Variants in NSG1 observed in about 807,000 individuals in gnomAD.
The protein encoded by NSG1 is neuronal vesicle trafficking-associated protein 1.
Under a neutral mutation model 19.3 loss-of-function variants are expected in NSG1, and 9 were observed. The ratio of observed to expected loss-of-function variants is 0.47; its 90% CI spans 0.28 to 0.81. NSG1 has a LOEUF of 0.81. Among genes scored for constraint, NSG1 ranks in the 40% least tolerant of loss-of-function variants. The probability of loss-of-function intolerance (pLI) is 0.11; values close to 1 mark genes in which losing one functional copy is unlikely to be tolerated. For missense variants in NSG1, 236 were observed against 242.4 expected, an observed-to-expected ratio of 0.97 and a Z score of 0.18; for synonymous variants, 104 against 107.0, an observed-to-expected ratio of 0.97 and a Z score of 0.17.
Position 4,391,604 on chromosome 4 carries a change from G to A in NSG1, c.246+13G>A, listed in dbSNP as rs1262640410. The A allele has an allele frequency of 1.9e-6, 3 of 1,550,996 alleles. No homozygotes were observed. The highest frequency in any genetic ancestry group is 2.6e-6 in the Non-Finnish European group (3 of 1,134,274). On this transcript the variant is annotated intron_variant, in intron 3 of 4. Coordinates refer to ENST00000621129, the MANE Select transcript of NSG1 (RefSeq NM_014392.5). The stretch of plus-strand genomic sequence containing the variant: ...CGAGAGGTTTAAGGTGAGTGGTCCT[G>A]TGCTGGGTGAGATGCTGCTTTTGCC...
intron 3 of NSG1, among the ~76,000 whole-genome samples, chr4:4,399,221 C>T (rs1389181960): frequency 6.6e-6 from 1 of 152,172 alleles, no homozygotes. Flanking sequence ...CAGCTCACTG[C>T]AGCCTCGACC....
intron 3 of NSG1, among the ~76,000 whole-genome samples, chr4:4,405,871 C>T (rs929536428): frequency 2.0e-5 from 3 of 152,124 alleles, no homozygotes; most frequent in African/African-American, 4.8e-5. Context: ...GGCCAGGTTT[C>T]GGAGGACACC....
At chr4:4,387,906 T>C in intron 2 of NSG1, 148 bp downstream of exon 2, 1 of 677,220 alleles carries the variant, frequency 1.5e-6, no homozygotes, top group South Asian at 1.8e-5. Context: ...GAGGACAGTG[T>C]ACCCGCGCGG....
chr4:4,398,014 C>T (rs938016452), intron 3 of NSG1, among the ~76,000 whole-genome samples: 13 of 152,080 alleles, frequency 8.5e-5, no homozygotes, highest in Admixed American at 6.5e-5. Context: ...AGTGCAGTGG[C>T]ACGATCTCGG....
rs376114823 is a variant in NSG1 at position 4,418,686 on chromosome 4, T to C, written c.*1251T>C. On this transcript the variant is annotated 3_prime_UTR_variant, in exon 5 of 5. Transcript: ENST00000621129. The stretch of plus-strand genomic sequence containing the variant: ...TAGATCAGAAATAAACGACAAATAG[T>C]GTGAGATGTGTTGTGAACAGGCATG... 3 of 152,600 alleles carry C rather than the reference T, an allele frequency of 2.0e-5. No homozygotes were observed. Among genetic ancestry groups the C allele is most frequent in the East Asian group, 1.9e-4 (1 of 5,190 alleles). The allele number at this position is 152,600 out of a possible 1,614,324, so 9.5% of individuals were successfully genotyped here. A position where few individuals can be genotyped will look rare whatever the true frequency, so the allele number is the denominator to read the frequency against.
At chr4:4,405,772 C>T (rs1723819208) in intron 3 of NSG1, among the ~76,000 whole-genome samples, 1 of 152,200 alleles carries the variant, frequency 6.6e-6, no homozygotes. Flanking sequence ...GCCCTTCTCC[C>T]CTTGACTGTT....
chr4:4,393,907 G>A (rs1723118238), intron 3 of NSG1, among the ~76,000 whole-genome samples: 2 of 152,138 alleles, frequency 1.3e-5, no homozygotes, highest in Admixed American at 1.3e-4. Context: ...GAAGCCTCCT[G>A]GGTCACTCTC....
At chr4:4,391,193 G>A (rs1472841766) in intron 2 of NSG1, among the ~76,000 whole-genome samples, 1 of 152,168 alleles carries the variant, frequency 6.6e-6, no homozygotes, top group Non-Finnish European at 1.5e-5. Flanking sequence ...CTGCATCCCC[G>A]CCCTGCCGCC....
chr4:4,409,881 C>A (rs1724078597), intron 4 of NSG1, among the ~76,000 whole-genome samples, 198 bp downstream of exon 4: 1 of 152,186 alleles, frequency 6.6e-6, no homozygotes. Context: ...GCACATGAGA[C>A]CCACAGGAAG....
At chr4:4,405,274 T>C (rs1723789613) in intron 3 of NSG1, among the ~76,000 whole-genome samples, 1 of 152,136 alleles carries the variant, frequency 6.6e-6, no homozygotes, top group Admixed American at 6.5e-5. Flanking sequence ...TACATCCAAA[T>C]TTCCCCTCTT....
rs1560137037 is a variant in NSG1, at chr4:4,387,585, C to A, written c.-26-19C>A. 5 of 1,585,586 alleles carry A rather than the reference C, an allele frequency of 3.2e-6. No homozygotes were observed. Among genetic ancestry groups the A allele is most frequent in the East Asian group, 4.6e-5 (2 of 43,878 alleles). ...CCGGGTCTTGCTTGTGGTGACTCCC[C>A]CCGGCCCTCCCGCCGCAGGCTGCAG... On this transcript the variant is annotated intron_variant, in intron 1 of 4. Transcript: ENST00000621129.
chr4:4,401,335 G>A (rs918311745), intron 3 of NSG1, among the ~76,000 whole-genome samples: 3 of 152,266 alleles, frequency 2.0e-5, no homozygotes, highest in Admixed American at 6.5e-5. Flanking sequence ...TGAAACACCC[G>A]GGACCTGTCT....
intron 2 of NSG1, among the ~76,000 whole-genome samples, chr4:4,389,056 A>AC (rs1401249254): frequency 6.6e-6 from 1 of 151,836 alleles, no homozygotes; most frequent in Non-Finnish European, 1.5e-5. Context: ...AGGCCCCCAC[A>AC]CCCCCTCCTG....
intron 3 of NSG1, among the ~76,000 whole-genome samples, chr4:4,396,262 GGAGACTGT>G (rs1723244387): frequency 2.0e-5 from 3 of 152,088 alleles, no homozygotes; most frequent in Non-Finnish European, 2.9e-5. Flanking sequence ...CTTCCGGTCT[GGAGACTGT>G]CATTAGGGGC....
intron 4 of NSG1, among the ~76,000 whole-genome samples, chr4:4,414,372 T>C (rs1378128317): frequency 6.6e-6 from 1 of 151,772 alleles, no homozygotes; most frequent in Non-Finnish European, 1.5e-5. Context: ...CCCTGATAAG[T>C]TGTTCTGGAG....
chr4:4,404,621 T>G (rs1003687031), intron 3 of NSG1, among the ~76,000 whole-genome samples: 8 of 152,182 alleles, frequency 5.3e-5, no homozygotes. Context: ...CATGTTGTTG[T>G]AGAGGAAGCT....
At chr4:4,388,361 A>G (rs1283783427) in intron 2 of NSG1, among the ~76,000 whole-genome samples, 1 of 152,192 alleles carries the variant, frequency 6.6e-6, no homozygotes, top group Admixed American at 6.5e-5. Context: ...CTCGCTCAGT[A>G]TTGGTGTCAC....
At chr4:4,411,934 G>A (rs1277872203) in intron 4 of NSG1, among the ~76,000 whole-genome samples, 6 of 152,004 alleles carry the variant, frequency 3.9e-5, no homozygotes, top group Admixed American at 2.0e-4. Flanking sequence ...TAACATACGC[G>A]TTTATTGTCA....
At chr4:4,413,512 A>G (rs1194941149) in intron 4 of NSG1, among the ~76,000 whole-genome samples, 1 of 151,220 alleles carries the variant, frequency 6.6e-6, no homozygotes, top group African/African-American at 2.4e-5. Flanking sequence ...TGCGGGCTTC[A>G]GGGAACGAGG....
Sources: allele counts gnomAD v4.1 joint callset (sites outside exome capture counted in the v4.1 genomes callset), GRCh38; gene constraint gnomAD v4.1.1; transcripts MANE v1.5; gene names NCBI Gene and HGNC (gene_info 2026-07-23, HGNC 2026-07-21).